CSMD2: variants seen among roughly 807,000 people sequenced by gnomAD.
CSMD2 encodes CUB and sushi domain-containing protein 2.
In CSMD2, 130 loss-of-function variants were observed where a neutral mutation model predicts 398.5. The ratio of observed to expected loss-of-function variants is 0.33; its 90% CI spans 0.28 to 0.38. The LOEUF (loss-of-function observed/expected upper bound fraction) is 0.38, where lower values mean the gene tolerates loss of function less well. CSMD2 is among the 10% of genes least tolerant of loss of function. The pLI is 1.00. For missense variants in CSMD2, 3,829 were observed against 4,764.9 expected, an observed-to-expected ratio of 0.80 and a Z score of 5.78; for synonymous variants, 1,828 against 1,908.5, an observed-to-expected ratio of 0.96 and a Z score of 1.10.
At chr1:33,829,547 A>G (rs148585817) in intron 6 of CSMD2, among the ~76,000 whole-genome samples, 1 of 152,340 alleles carries the variant, frequency 6.6e-6, no homozygotes, top group African/African-American at 2.4e-5. Flanking sequence ...CCGAATAGGA[A>G]CAGCTCCAGT....
chr1:34,121,128 T>C (rs1489766504), intron 1 of CSMD2, among the ~76,000 whole-genome samples: 3 of 152,124 alleles, frequency 2.0e-5, no homozygotes, highest in African/African-American at 4.8e-5. Context: ...CAATGAATAG[T>C]TGTTGAATGA....
chr1:34,057,987 C>G (rs1570960187), intron 2 of CSMD2, among the ~76,000 whole-genome samples: 1 of 152,150 alleles, frequency 6.6e-6, no homozygotes, highest in African/African-American at 2.4e-5. Context: ...GCAGGCTTGG[C>G]TTCTCCTGGC....
intron 55 of CSMD2, 31 bp downstream of exon 55, chr1:33,557,703 C>T: frequency 4.6e-6 from 7 of 1,528,850 alleles, no homozygotes; most frequent in East Asian, 2.5e-5. Context: ...GCCACCCCAT[C>T]AGTCATTTTG....
At chr1:34,161,608 AATAAAG>A (rs1246790879) in intron 1 of CSMD2, among the ~76,000 whole-genome samples, 8 of 152,196 alleles carry the variant, frequency 5.3e-5, no homozygotes, top group African/African-American at 1.7e-4. Context: ...GATAAAAGAA[AATAAAG>A]ATAAAGTACA....
At chr1:33,897,869 A>C (rs1400294570) in intron 5 of CSMD2, among the ~76,000 whole-genome samples, 4 of 152,216 alleles carry the variant, frequency 2.6e-5, no homozygotes, top group Non-Finnish European at 5.9e-5. Context: ...CAATTCTCCC[A>C]GAGACCCGAC....
chr1:33,790,705 T>TCAC (rs1386846810), intron 11 of CSMD2, among the ~76,000 whole-genome samples: 2 of 134,424 alleles, frequency 1.5e-5, no homozygotes, highest in Non-Finnish European at 3.2e-5. Context: ...CTATCTATCA[T>TCAC]CTATCTGTCT....
At chr1:33,770,479 CTT>C (rs1322958685) in intron 13 of CSMD2, among the ~76,000 whole-genome samples, 3 of 152,246 alleles carry the variant, frequency 2.0e-5, no homozygotes, top group Non-Finnish European at 4.4e-5. Context: ...AAGTCCCTCA[CTT>C]TGTTGAAATG....
intron 25 of CSMD2, among the ~76,000 whole-genome samples, chr1:33,676,353 T>C (rs1328610616): frequency 6.6e-6 from 1 of 152,156 alleles, no homozygotes; most frequent in Non-Finnish European, 1.5e-5. Context: ...TGAACTCCCA[T>C]TCACAATTGC....
chr1:33,796,943 G>A (rs954855205), intron 10 of CSMD2, among the ~76,000 whole-genome samples: 2 of 152,092 alleles, frequency 1.3e-5, no homozygotes, highest in African/African-American at 4.8e-5. Flanking sequence ...ATAAGCCCTG[G>A]TCTCCTGCAG....
chr1:33,559,105 C>A lies in CSMD2; in HGVS notation c.8554+195G>T, dbSNP rs139206932. On this transcript the variant is annotated intron_variant, in intron 54 of 70. Transcript: ENST00000373381. The surrounding 1 kb of genome is among the most constrained non-coding windows in gnomAD (Gnocchi z 4.0). ...TTAAGTTTTGCTTTCCTTATATAAC[C>A]CATGATGATGAAATTTTATGTGGCT... Among the ~76,000 whole-genome samples the A allele has an allele frequency of 2.1e-3, 325 of 152,204 alleles. No individual in the cohort carries two copies. Among genetic ancestry groups the A allele is most frequent in the Admixed American group, 3.9e-3 (59 of 15,288 alleles).
chr1:33,559,397 G>C lies in CSMD2; in HGVS notation c.8457C>G (p.Val2819=), dbSNP rs1318028642. 5 of 1,536,010 alleles carry C rather than the reference G, an allele frequency of 3.3e-6. No individual in the cohort carries two copies. The Admixed American group carries it at 9.8e-5, about 30-fold the overall frequency. ...QGNQFNLNDV[V]KFVCNPGYMA... ...TATACCCAGGGTTGCAAACAAACTT[G>C]ACCACATCGTTGAGGTTAAACTGGT... Residue 2819 remains valine, a synonymous_variant, in exon 54 of 71, where the codon GTC becomes GTG. Transcript: ENST00000373381. This position sits in a 1 kb window ranked among gnomAD's most constrained non-coding sequence, Gnocchi z 4.0.
At chr1:34,112,443 C>T (rs952590133) in intron 1 of CSMD2, among the ~76,000 whole-genome samples, 4 of 152,192 alleles carry the variant, frequency 2.6e-5, no homozygotes, top group Non-Finnish European at 4.4e-5. Context: ...TATAGGCACT[C>T]CAGCCATGAG....
At chr1:33,709,368 C>T (rs2149152075) in intron 21 of CSMD2, 110 bp from the exon 22 acceptor site, 1 of 915,174 alleles carries the variant, frequency 1.1e-6, no homozygotes, top group Non-Finnish European at 1.6e-6. Flanking sequence ...TGCCTGTCTA[C>T]CTGCCAAGGT....
At chr1:34,135,028 C>T (rs1052424061) in intron 1 of CSMD2, among the ~76,000 whole-genome samples, 3 of 152,100 alleles carry the variant, frequency 2.0e-5, no homozygotes, top group Non-Finnish European at 4.4e-5. Flanking sequence ...CCTATTTGAT[C>T]ACAGATTCAC....
intron 3 of CSMD2, among the ~76,000 whole-genome samples, chr1:34,017,235 T>C (rs12138349): frequency 0.042 from 6,409 of 152,314 alleles, 171 homozygotes; most frequent in East Asian, 0.15. Context: ...ACTTCTTGAT[T>C]CTTGGCTGAA....
rs891524501 is a variant in CSMD2, at chr1:33,518,237, C to T, written c.*53+1228G>A. Among the ~76,000 whole-genome samples the T allele has an allele frequency of 4.6e-5, 7 of 152,230 alleles. No homozygotes were observed. The highest frequency in any genetic ancestry group is 7.2e-5 in the African/African-American group (3 of 41,466). On this transcript the variant is annotated intron_variant, in intron 70 of 70. Transcript: ENST00000373381. This position sits in a 1 kb window ranked among gnomAD's most constrained non-coding sequence, Gnocchi z 4.3. ...AGTTCTCAGAGGGGTGCAGCTTGGA[C>T]ATCGTGTTGGGGCAACTCCTGAAGG...
At chr1:33,874,036 T>C (rs1306156985) in intron 5 of CSMD2, among the ~76,000 whole-genome samples, 1 of 152,200 alleles carries the variant, frequency 6.6e-6, no homozygotes, top group Non-Finnish European at 1.5e-5. Flanking sequence ...TCCAACTCCC[T>C]TGTGTGTTCC....
chr1:33,950,847 C>T (rs1383054707), intron 3 of CSMD2, among the ~76,000 whole-genome samples: 2 of 152,230 alleles, frequency 1.3e-5, no homozygotes, highest in Non-Finnish European at 2.9e-5. Context: ...TCCCTCCTTC[C>T]TATTCAGCCA....
chr1:33,595,562 G>A (rs556936610), intron 44 of CSMD2, among the ~76,000 whole-genome samples: 21 of 152,204 alleles, frequency 1.4e-4, no homozygotes, highest in African/African-American at 4.6e-4. Flanking sequence ...TGTCTGCGTG[G>A]ATATACATAG....
Sources: gnomAD v4.1 joint callset for allele counts (sites outside exome capture counted in the v4.1 genomes callset) on GRCh38, gnomAD v4.1.1 for gene constraint, Gnocchi (gnomAD v3.1) non-coding constraint, MANE v1.5 for transcripts, NCBI Gene and HGNC (gene_info 2026-07-23, HGNC 2026-07-21) for gene names.